CCDC73: variants seen among roughly 807,000 people sequenced by gnomAD.
CCDC73 encodes coiled-coil domain-containing protein 73.
In CCDC73, 95 loss-of-function variants were observed where a neutral mutation model predicts 116.5. The ratio of observed to expected loss-of-function variants is 0.82; its 90% CI spans 0.69 to 0.97. CCDC73 has a LOEUF of 0.97. CCDC73 is among the 50% of genes least tolerant of loss of function. CCDC73 has a pLI of 0.00. For missense variants in CCDC73, 1,066 were observed against 1,206.8 expected, an observed-to-expected ratio of 0.88 and a Z score of 1.73; for synonymous variants, 398 against 401.3, an observed-to-expected ratio of 0.99 and a Z score of 0.10.
intron 1 of CCDC73, among the ~76,000 whole-genome samples, chr11:32,781,418 A>C (rs1850583195): frequency 6.6e-6 from 1 of 152,214 alleles, no homozygotes; most frequent in African/African-American, 2.4e-5. Context: ...AGGAAAACTG[A>C]GAAGCAATTT....
At chr11:32,829,848 G>C in the CCDC73 span, 1 of 985,394 alleles carries the variant, frequency 1.0e-6, no homozygotes, top group Non-Finnish European at 1.2e-6. Context: ...CCCACTGCCC[G>C]CCCGCTCGCC....
chr11:32,616,096 T>C lies in CCDC73; in HGVS notation c.1219A>G (p.Met407Val). The change falls in exon 15 of 18, where the codon ATG becomes GTG. Residue 407 changes from methionine to valine, a missense_variant. Coordinates refer to ENST00000335185, the MANE Select transcript of CCDC73 (RefSeq NM_001008391.4). ...VPEVNNENSEMSTEKSENTII... is the reference protein window; with the variant it reads ...VPEVNNENSEVSTEKSENTII... ...GTGTTTTCTGATTTTTCAGTTGACA[T>C]TTCACTGTTTTCATTATTTACTTCT... The C allele has an allele frequency of 6.3e-7, 1 of 1,582,218 alleles. No individual in the cohort carries two copies. Among genetic ancestry groups the C allele is most frequent in the Non-Finnish European group, 8.6e-7 (1 of 1,169,096 alleles).
chr11:32,639,368 T>TTATCTTTGAA (rs1289212978), intron 13 of CCDC73, among the ~76,000 whole-genome samples: 1 of 152,200 alleles, frequency 6.6e-6, no homozygotes, highest in Non-Finnish European at 1.5e-5. Flanking sequence ...TCCTTGTATT[T>TTATCTTTGAA]TAGGCATCTT....
At chr11:32,816,895 T>C in the CCDC73 span, among the ~76,000 whole-genome samples, 1 of 152,200 alleles carries the variant, frequency 6.6e-6, no homozygotes, top group Non-Finnish European at 1.5e-5. Context: ...GTGATTCTCC[T>C]ACCTTAGCCT....
chr11:32,658,223 T>C (rs966749032), intron 9 of CCDC73, among the ~76,000 whole-genome samples: 3 of 152,172 alleles, frequency 2.0e-5, no homozygotes, highest in Non-Finnish European at 2.9e-5. Context: ...CTTACCTCTG[T>C]CTACAACTAC....
chr11:32,706,030 T>C (rs1160821432), intron 3 of CCDC73, among the ~76,000 whole-genome samples: 1 of 120,162 alleles, frequency 8.3e-6, no homozygotes, highest in Non-Finnish European at 1.8e-5. Context: ...AAAAAAAGAA[T>C]GAAAAAGGCA....
chr11:32,801,640 CAAA>C, the CCDC73 span, among the ~76,000 whole-genome samples: 15 of 130,298 alleles, frequency 1.2e-4, no homozygotes, highest in South Asian at 2.8e-3. Context: ...GACTCCATCT[CAAA>C]AAAAAAAAAA....
rs970218722 is a variant in CCDC73, at chr11:32,647,658, C to T, written c.939+5465G>A. ...CTGTAGCAGCTATAGTCTTTTCTCT[C>T]GGGCAGGTTAGCTTCCCCTGAAAGG... On this transcript the variant is annotated intron_variant, in intron 12 of 17. Transcript: ENST00000335185. Among the ~76,000 whole-genome samples, 6 of 152,100 alleles carry T rather than the reference C, an allele frequency of 3.9e-5. No homozygotes were observed. The East Asian group carries it at 1.2e-3, about 29-fold the overall frequency.
intron 4 of CCDC73, among the ~76,000 whole-genome samples, chr11:32,702,380 G>C (rs1849821272): frequency 6.6e-6 from 1 of 151,982 alleles, no homozygotes; most frequent in Admixed American, 6.6e-5. Context: ...TCTCATTTTT[G>C]TACTACTATT....
At chr11:32,668,117 A>C (rs1372182290) in intron 9 of CCDC73, among the ~76,000 whole-genome samples, 2 of 152,236 alleles carry the variant, frequency 1.3e-5, no homozygotes, top group Non-Finnish European at 2.9e-5. Flanking sequence ...ACCACGTGCA[A>C]GGCACTGTTA....
intron 9 of CCDC73, among the ~76,000 whole-genome samples, chr11:32,657,584 A>G (rs1202160762): frequency 6.6e-6 from 1 of 152,084 alleles, no homozygotes; most frequent in African/African-American, 2.4e-5. Flanking sequence ...CTGTGGGTAT[A>G]GCAAACTCTC....
chr11:32,810,848 A>C, the CCDC73 span, among the ~76,000 whole-genome samples: 1 of 152,062 alleles, frequency 6.6e-6, no homozygotes, highest in Non-Finnish European at 1.5e-5. Flanking sequence ...AACTCTTCTG[A>C]GGCCAGGCAC....
chr11:32,670,663 T>G (rs1019384657), intron 9 of CCDC73, among the ~76,000 whole-genome samples: 1 of 152,306 alleles, frequency 6.6e-6, no homozygotes, highest in African/African-American at 2.4e-5. Context: ...ATTCTCTACA[T>G]AAAGATTGGT....
intron 9 of CCDC73, among the ~76,000 whole-genome samples, chr11:32,673,725 C>A (rs1016073309): frequency 6.6e-6 from 1 of 152,136 alleles, no homozygotes; most frequent in Non-Finnish European, 1.5e-5. Flanking sequence ...AGAATCCCAA[C>A]GGAAACAGAT....
At chr11:32,668,845 G>A (rs2133280567) in intron 9 of CCDC73, among the ~76,000 whole-genome samples, 1 of 152,282 alleles carries the variant, frequency 6.6e-6, no homozygotes, top group African/African-American at 2.4e-5. Context: ...TGTTAAATAT[G>A]TTAACAGCAT....
At chr11:32,695,475 A>G (rs1368965023) in intron 6 of CCDC73, among the ~76,000 whole-genome samples, 4 of 152,062 alleles carry the variant, frequency 2.6e-5, no homozygotes, top group Non-Finnish European at 1.5e-5. Flanking sequence ...CCTTGGCTCC[A>G]ATTTAACATT....
chr11:32,793,687 T>A (rs996721642), intron 1 of CCDC73, among the ~76,000 whole-genome samples: 1 of 152,112 alleles, frequency 6.6e-6, no homozygotes, highest in African/African-American at 2.4e-5. Flanking sequence ...CTAGGCTCAC[T>A]GCAACCTCCG....
the CCDC73 span, among the ~76,000 whole-genome samples, chr11:32,828,695 T>C: frequency 6.6e-6 from 1 of 152,206 alleles, no homozygotes; most frequent in African/African-American, 2.4e-5. Flanking sequence ...CATTACTTGA[T>C]GCAGCAGTTT....
intron 2 of CCDC73, among the ~76,000 whole-genome samples, chr11:32,759,394 G>C (rs1850371585): frequency 7.0e-6 from 1 of 143,854 alleles, no homozygotes; most frequent in Admixed American, 7.3e-5. Flanking sequence ...GCAGTGGCGT[G>C]ATCTTGGCTC....
Sources: gnomAD v4.1 joint callset for allele counts (sites outside exome capture counted in the v4.1 genomes callset) on GRCh38, gnomAD v4.1.1 for gene constraint, MANE v1.5 for transcripts, NCBI Gene and HGNC (gene_info 2026-07-23, HGNC 2026-07-21) for gene names.